The following CHD6 variants were observed in gnomAD, a reference collection of about 807,000 sequenced individuals.
CHD6 encodes chromodomain helicase DNA binding protein 6.
In CHD6, 50 loss-of-function variants were observed where a neutral mutation model predicts 276.9. The ratio of observed to expected loss-of-function variants is 0.18; its 90% CI spans 0.14 to 0.23. The LOEUF (loss-of-function observed/expected upper bound fraction) is 0.23, where lower values mean the gene tolerates loss of function less well. Among genes scored for constraint, CHD6 ranks in the 10% least tolerant of loss-of-function variants. The pLI is 1.00. For synonymous variants in CHD6, 1,173 were observed against 1,229.3 expected (o/e 0.95, Z 0.96); for missense variants, 2,564 against 3,365.8 (o/e 0.76, Z 5.89).
intron 1 of CHD6, among the ~76,000 whole-genome samples, chr20:41,552,263 T>G (rs2045158099): frequency 6.6e-6 from 1 of 152,210 alleles, no homozygotes; most frequent in Admixed American, 6.5e-5. Flanking sequence ...TTTGTTGACT[T>G]TGATTTCCTG....
intron 27 of CHD6, among the ~76,000 whole-genome samples, chr20:41,431,876 C>T (rs1428924882): frequency 2.0e-5 from 3 of 149,642 alleles, no homozygotes; most frequent in Non-Finnish European, 4.4e-5. Context: ...CAAAAAAAAC[C>T]TTCCGGGCGC....
At chr20:41,596,984 C>G (rs1052296992) in intron 1 of CHD6, among the ~76,000 whole-genome samples, 1 of 152,026 alleles carries the variant, frequency 6.6e-6, no homozygotes, top group African/African-American at 2.4e-5. Context: ...ACAAAGTACC[C>G]GAGGGTCCAA....
At chr20:41,593,197 C>G in intron 1 of CHD6, among the ~76,000 whole-genome samples, 1 of 73,174 alleles carries the variant, frequency 1.4e-5, no homozygotes, top group African/African-American at 5.4e-5. Flanking sequence ...TCAGCCCAAT[C>G]AAAAAGGGGG....
At chr20:41,414,402 A>ATCCCCCCCTCCC in intron 34 of CHD6, 1 of 154,956 alleles carries the variant, frequency 6.5e-6, no homozygotes, top group South Asian at 2.1e-4. Flanking sequence ...AACAAACAAG[A>ATCCCCCCCTCCC]TAATCATGTA....
intron 1 of CHD6, among the ~76,000 whole-genome samples, chr20:41,604,168 C>G (rs1332245405): frequency 6.6e-6 from 1 of 152,112 alleles, no homozygotes; most frequent in Non-Finnish European, 1.5e-5. Flanking sequence ...CAAAAAGATG[C>G]TGAGTTCAGT....
At chr20:41,586,517 A>G (rs1264899918) in intron 1 of CHD6, among the ~76,000 whole-genome samples, 2 of 152,206 alleles carry the variant, frequency 1.3e-5, no homozygotes, top group Non-Finnish European at 2.9e-5. Flanking sequence ...ATTCCTTAGA[A>G]TCTGTGAGGC....
chr20:41,552,866 G>A (rs1397128609), intron 1 of CHD6, among the ~76,000 whole-genome samples: 1 of 152,112 alleles, frequency 6.6e-6, no homozygotes, highest in Non-Finnish European at 1.5e-5. Context: ...AGGGGAGGAG[G>A]GTAGAGACTA....
At chr20:41,550,430 A>T (rs565656306) in intron 2 of CHD6, among the ~76,000 whole-genome samples, 185 of 152,278 alleles carry the variant, frequency 1.2e-3, no homozygotes, top group African/African-American at 4.3e-3. Flanking sequence ...AATTCCCCAA[A>T]CCAACCTAGC....
At chr20:41,576,720 A>T (rs2045478231) in intron 1 of CHD6, among the ~76,000 whole-genome samples, 1 of 152,138 alleles carries the variant, frequency 6.6e-6, no homozygotes. Flanking sequence ...AACACACAAG[A>T]TGAGTACACC....
chr20:41,556,456 C>G (rs931618118), intron 1 of CHD6, among the ~76,000 whole-genome samples: 1 of 151,502 alleles, frequency 6.6e-6, no homozygotes, highest in African/African-American at 2.4e-5. Flanking sequence ...GCCAGTTCCA[C>G]TTTAAGGAAT....
At chr20:41,590,008 A>G (rs933565424) in intron 1 of CHD6, among the ~76,000 whole-genome samples, 27 of 152,166 alleles carry the variant, frequency 1.8e-4, no homozygotes, top group Non-Finnish European at 3.5e-4. Context: ...TACGGGTACA[A>G]AACAGAGATA....
chr20:41,456,041 A>G (rs1002990007), intron 18 of CHD6, 62 bp from the exon 19 acceptor site: 6 of 1,445,656 alleles, frequency 4.2e-6, no homozygotes, highest in Non-Finnish European at 5.5e-6. Context: ...AACAGCCTCA[A>G]ATCTGGTTTT....
At chr20:41,443,443 C>CT (rs567346065) in intron 25 of CHD6, among the ~76,000 whole-genome samples, 77 of 152,302 alleles carry the variant, frequency 5.1e-4, no homozygotes, top group Non-Finnish European at 1.0e-3. Flanking sequence ...AGGCTATGTC[C>CT]TTCACGTGAG....
intron 8 of CHD6, 89 bp downstream of exon 8, chr20:41,497,295 G>A: frequency 1.2e-6 from 1 of 862,042 alleles, no homozygotes; most frequent in Non-Finnish European, 2.0e-6. Flanking sequence ...GATCTGTATA[G>A]GAATTTAACT....
chr20:41,511,564 T>C (rs1222873105), intron 5 of CHD6, among the ~76,000 whole-genome samples: 1 of 152,204 alleles, frequency 6.6e-6, no homozygotes, highest in Non-Finnish European at 1.5e-5. Flanking sequence ...AACTCATCAA[T>C]GCCTCCTATC....
At chr20:41,554,377 T>TTTTA (rs138632294) in intron 1 of CHD6, among the ~76,000 whole-genome samples, 3,231 of 150,184 alleles carry the variant, frequency 0.022, 54 homozygotes, top group African/African-American at 0.047. Context: ...CACTTTTATT[T>TTTTA]TTTATTTATT....
At chr20:41,576,541 T>C (rs887879920) in intron 1 of CHD6, among the ~76,000 whole-genome samples, 13 of 152,046 alleles carry the variant, frequency 8.6e-5, no homozygotes, top group African/African-American at 3.1e-4. Flanking sequence ...AAAAATTAGC[T>C]GGGCGTGGTG....
At position 41,421,892 on chromosome 20, in the gene CHD6, A is replaced by G. The variant is rs1394544875; in HGVS notation, c.4743T>C (p.Asp1581=). The change falls in exon 31 of 37, where the codon GAT becomes GAC. Residue 1581 remains aspartate (D), a synonymous_variant. Coordinates refer to ENST00000373233, the MANE Select transcript of CHD6 (RefSeq NM_032221.5). ...TGGCAGTGCCGATGAGCAGGTCTCG[A>G]TCATGCTTCCCACACTCCCACCAGA... is the stretch of plus-strand genomic sequence containing the variant. ...LPVWWECGKH[D]RDLLIGTAKH... 1 of 1,614,146 alleles carries G rather than the reference A, an allele frequency of 6.2e-7. No homozygotes were observed. Among genetic ancestry groups the G allele is most frequent in the African/African-American group, 1.3e-5 (1 of 75,040 alleles).
chr20:41,509,868 G>C (rs1416651901), intron 5 of CHD6, among the ~76,000 whole-genome samples: 1 of 152,170 alleles, frequency 6.6e-6, no homozygotes, highest in East Asian at 1.9e-4. Flanking sequence ...GGTATGGAGT[G>C]CAAAGCAGAG....
Sources: gnomAD v4.1 joint callset for allele counts (sites outside exome capture counted in the v4.1 genomes callset) on GRCh38, gnomAD v4.1.1 for gene constraint, MANE v1.5 for transcripts, NCBI Gene and HGNC (gene_info 2026-07-23, HGNC 2026-07-21) for gene names.